TMEM41B: variants seen among roughly 807,000 people sequenced by gnomAD.
The protein encoded by TMEM41B is protein stasimon.
Under a neutral mutation model 31.9 loss-of-function variants are expected in TMEM41B, and 18 were observed. That is an observed-to-expected ratio of 0.56 (90% CI 0.39 to 0.84). The LOEUF is 0.84. Among genes scored for constraint, TMEM41B ranks in the 40% least tolerant of loss-of-function variants. The probability of loss-of-function intolerance (pLI) is 0.00; values close to 1 mark genes in which losing one functional copy is unlikely to be tolerated. For missense variants in TMEM41B, 322 were observed against 348.0 expected (o/e 0.93, Z 0.59); for synonymous variants, 144 against 124.3 (o/e 1.16, Z -1.05).
At chr11:9,300,490 C>T (rs945650924) in intron 1 of TMEM41B, among the ~76,000 whole-genome samples, 33 of 152,138 alleles carry the variant, frequency 2.2e-4, no homozygotes, top group Non-Finnish European at 2.5e-4. Context: ...GGAATATAAA[C>T]TTGAATCTCA....
chr11:9,311,622 C>T, intron 1 of TMEM41B: 3 of 926,780 alleles, frequency 3.2e-6, no homozygotes, highest in Non-Finnish European at 5.1e-6. Flanking sequence ...AGGATTGGAA[C>T]CTCCAGGGCA....
intron 3 of TMEM41B, among the ~76,000 whole-genome samples, chr11:9,294,360 C>G (rs1009807883): frequency 6.6e-6 from 1 of 151,544 alleles, no homozygotes; most frequent in Non-Finnish European, 1.5e-5. Context: ...CCAAGTATGG[C>G]GGCAGGCGCC....
At chr11:9,295,176 ATAGT>A (rs1564962857) in intron 3 of TMEM41B, 79 bp downstream of exon 3, 1 of 1,271,042 alleles carries the variant, frequency 7.9e-7, no homozygotes, top group South Asian at 2.1e-5. Flanking sequence ...TAAAAGGAAA[ATAGT>A]TATGTATAAA....
intron 1 of TMEM41B, chr11:9,311,399 G>A: frequency 7.1e-7 from 1 of 1,415,410 alleles, no homozygotes; most frequent in Non-Finnish European, 1.0e-6. Context: ...GTCCAACCAT[G>A]CCAGGAGCCA....
intron 3 of TMEM41B, among the ~76,000 whole-genome samples, chr11:9,289,616 T>C (rs948739461): frequency 6.6e-6 from 1 of 152,198 alleles, no homozygotes; most frequent in African/African-American, 2.4e-5. Flanking sequence ...GGGTATCCTA[T>C]CCAGCTACCG....
intron 5 of TMEM41B, 62 bp from the exon 6 acceptor site, chr11:9,286,655 T>C: frequency 8.9e-6 from 13 of 1,466,310 alleles, no homozygotes; most frequent in Non-Finnish European, 1.2e-5. Flanking sequence ...AGTTGCTTAA[T>C]ATAAACACCT....
chr11:9,314,262 CCCACCCGACACACAGAAGCCTCGGG>C (rs1018332137), intron 1 of TMEM41B, 34 bp downstream of exon 1: 1 of 1,522,812 alleles, frequency 6.6e-7, no homozygotes, highest in Non-Finnish European at 8.8e-7. Flanking sequence ...GGTCCTTTTC[CCCACCCGACACACAGAAGCCTCGGG>C]CCACCCCCAG....
chr11:9,301,198 A>G (rs1038992025), intron 1 of TMEM41B, among the ~76,000 whole-genome samples: 1 of 152,032 alleles, frequency 6.6e-6, no homozygotes, highest in Admixed American at 6.6e-5. Context: ...GATTGAGACC[A>G]TCCTGGCTAA....
At chr11:9,287,074 G>A (rs1852853501) in intron 5 of TMEM41B, among the ~76,000 whole-genome samples, 1 of 151,994 alleles carries the variant, frequency 6.6e-6, no homozygotes, top group South Asian at 2.1e-4. Context: ...GGGAGGTTGA[G>A]GCAGGTGGGT....
intron 1 of TMEM41B, among the ~76,000 whole-genome samples, chr11:9,309,582 A>T (rs1361552830): frequency 6.7e-6 from 1 of 150,144 alleles, no homozygotes; most frequent in Non-Finnish European, 1.5e-5. Flanking sequence ...TTGTTAAACA[A>T]ATAGCAAGGC....
chr11:9,309,276 C>A (rs991323872), intron 1 of TMEM41B, among the ~76,000 whole-genome samples: 1 of 151,694 alleles, frequency 6.6e-6, no homozygotes, highest in Non-Finnish European at 1.5e-5. Flanking sequence ...AAAATCTGAT[C>A]CTGAAGATGC....
intron 2 of TMEM41B, among the ~76,000 whole-genome samples, chr11:9,296,191 TGA>T (rs1211122489): frequency 7.9e-5 from 12 of 152,150 alleles, no homozygotes; most frequent in African/African-American, 2.9e-4. Flanking sequence ...TATAATTTCA[TGA>T]GACAGGCAAT....
intron 3 of TMEM41B, 192 bp downstream of exon 3, chr11:9,295,067 C>T (rs906707848): frequency 1.2e-6 from 1 of 834,566 alleles, no homozygotes; most frequent in East Asian, 3.9e-5. Flanking sequence ...AATATTCAGA[C>T]ATAAAAACAA....
rs1852719611 is a variant in TMEM41B at position 9,281,572 on chromosome 11, ATAACAGTCATGGGTGAAGGTAAAAC to A, written c.*1827_*1851del. On this transcript the variant is annotated 3_prime_UTR_variant, in exon 7 of 7. Coordinates refer to ENST00000528080, the MANE Select transcript of TMEM41B (RefSeq NM_015012.4). The stretch of plus-strand genomic sequence containing the variant: ...AAGTACTTTTCAACTTTGACAACTA[ATAACAGTCATGGGTGAAGGTAAAAC>A]TGACAGAGTACTTTAGATCAGCTAT... 6.6e-6 allele frequency: 1 copy of A among 152,232 alleles called. No individual in the cohort carries two copies. The highest frequency in any genetic ancestry group is 2.4e-5 in the African/African-American group (1 of 41,472). The allele number at this position is 152,232 out of a possible 1,614,324, so 9.4% of individuals were successfully genotyped here.
chr11:9,282,189 C>A lies in TMEM41B; in HGVS notation c.*1235G>T, dbSNP rs186066508. 588 of 152,058 alleles carry A rather than the reference C, an allele frequency of 3.9e-3. 2 individuals are homozygous for A. Among genetic ancestry groups the A allele is most frequent in the Non-Finnish European group, 6.6e-3 (450 of 68,040 alleles). The allele number at this position is 152,058 out of a possible 1,614,324, so 9.4% of individuals were successfully genotyped here. On this transcript the variant is annotated 3_prime_UTR_variant, in exon 7 of 7. Transcript: ENST00000528080. ...GGTCAGGAGTTCAAGACCAGCCCGGCCAACATGGTGAAACCCCGTCTCTAC... is the reference window on the plus strand; with the variant it reads ...GGTCAGGAGTTCAAGACCAGCCCGGACAACATGGTGAAACCCCGTCTCTAC...
chr11:9,304,476 T>C (rs1168009369), intron 1 of TMEM41B, among the ~76,000 whole-genome samples: 1 of 152,078 alleles, frequency 6.6e-6, no homozygotes, highest in Admixed American at 6.6e-5. Context: ...TTATTTATTA[T>C]TTATTTACTT....
chr11:9,311,493 G>A (rs1220947424), intron 1 of TMEM41B: 8 of 1,419,576 alleles, frequency 5.6e-6, no homozygotes, highest in Non-Finnish European at 7.8e-6. Flanking sequence ...TGGATACCCT[G>A]GCTGTGGCAC....
chr11:9,311,345 T>C, intron 1 of TMEM41B: 2 of 1,496,180 alleles, frequency 1.3e-6, no homozygotes, highest in Non-Finnish European at 1.8e-6. Flanking sequence ...TTTTATGAGC[T>C]TTCTTCATTT....
At chr11:9,293,820 G>T (rs1295062169) in intron 3 of TMEM41B, among the ~76,000 whole-genome samples, 2 of 151,824 alleles carry the variant, frequency 1.3e-5, no homozygotes, top group African/African-American at 2.4e-5. Context: ...GACCTCACGT[G>T]ATTCACCCGC....
Sources: allele counts gnomAD v4.1 joint callset (sites outside exome capture counted in the v4.1 genomes callset), GRCh38; gene constraint gnomAD v4.1.1; transcripts MANE v1.5; gene names NCBI Gene and HGNC (gene_info 2026-07-23, HGNC 2026-07-21).